Variants in PODN observed in about 807,000 individuals in gnomAD.
The protein encoded by PODN is podocan.
Under a neutral mutation model 52.7 loss-of-function variants are expected in PODN, and 40 were observed. That is an observed-to-expected ratio of 0.76 (90% CI 0.59 to 0.99). The LOEUF is 0.99. Among genes scored for constraint, PODN ranks in the 50% least tolerant of loss-of-function variants. The pLI, the probability that PODN is intolerant of heterozygous loss-of-function variation, is 0.00. For synonymous variants in PODN, 396 were observed against 377.9 expected (o/e 1.05, Z -0.56); for missense variants, 720 against 815.1 (o/e 0.88, Z 1.42).
At chr1:53,070,830 C>T (rs1210017162) in intron 2 of PODN, 1 of 153,526 alleles carries the variant, frequency 6.5e-6, no homozygotes, top group African/African-American at 2.4e-5. Flanking sequence ...CCAGGGCAGC[C>T]ACTGAGAGAA....
intron 1 of PODN, among the ~76,000 whole-genome samples, chr1:53,068,656 G>C (rs1263094027): frequency 6.6e-6 from 1 of 152,182 alleles, no homozygotes. Flanking sequence ...GCTCAGCAAG[G>C]TCAGAGGTGG....
At chr1:53,081,893 C>T in intron 9 of PODN, 88 bp from the exon 10 acceptor site, 1 of 1,509,068 alleles carries the variant, frequency 6.6e-7, no homozygotes, top group Non-Finnish European at 8.8e-7. Context: ...ATTCCCTCCC[C>T]TGTTACCTTC....
At chr1:53,074,556 C>T (rs1644166339) in intron 3 of PODN, 50 bp from the exon 4 acceptor site, 3 of 1,607,362 alleles carry the variant, frequency 1.9e-6, no homozygotes, top group South Asian at 2.2e-5. Flanking sequence ...CTGTGCTTCC[C>T]TGTGGCGTCT....
chr1:53,062,402 C>T, intron 1 of PODN, 94 bp downstream of exon 1: 1 of 975,956 alleles, frequency 1.0e-6, no homozygotes, highest in Non-Finnish European at 1.3e-6. Context: ...ATGGCTCCAG[C>T]AGCTGCCTGG....
rs1644239041 is a variant in PODN at position 53,078,784 on chromosome 1, C to T, written c.1274C>T (p.Ala425Val). 1 of 1,613,260 alleles carries T rather than the reference C, an allele frequency of 6.2e-7. No homozygotes were observed. Among genetic ancestry groups the T allele is most frequent in the Non-Finnish European group, 8.5e-7 (1 of 1,179,942 alleles). Reference protein sequence around the residue: ...RITSPQVHRDAFRKLRLLRSL... With the variant: ...RITSPQVHRDVFRKLRLLRSL... The stretch of plus-strand genomic sequence containing the variant: ...ACCAGCCCGCAGGTGCACCGCGACG[C>T]CTTCCGCAAGCTGCGCCTGCTGCGC... Residue 425 changes from alanine to valine, a missense_variant, in exon 8 of 11, where the codon GCC becomes GTC. Coordinates refer to ENST00000312553, the MANE Select transcript of PODN (RefSeq NM_153703.5).
At chr1:53,082,309 A>G in intron 10 of PODN, 121 bp downstream of exon 10, 2 of 1,332,158 alleles carry the variant, frequency 1.5e-6, no homozygotes, top group Non-Finnish European at 1.9e-6. Context: ...CCACCCATTT[A>G]GCAAATTTAT....
intron 1 of PODN, chr1:53,066,796 A>C (rs1352493377): frequency 1.9e-6 from 3 of 1,540,784 alleles, no homozygotes; most frequent in Non-Finnish European, 2.6e-6. Flanking sequence ...TAAATTCAAT[A>C]TTTTTATTGA....
chr1:53,079,872 A>C (rs1353809551), intron 8 of PODN, among the ~76,000 whole-genome samples: 1 of 152,036 alleles, frequency 6.6e-6, no homozygotes, highest in East Asian at 1.9e-4. Flanking sequence ...GTGCAGTGGC[A>C]TGCATCTCAC....
intron 9 of PODN, 127 bp from the exon 10 acceptor site, chr1:53,081,854 C>T (rs1055370772): frequency 2.0e-5 from 28 of 1,412,640 alleles, no homozygotes; most frequent in African/African-American, 1.7e-4. Flanking sequence ...TGGCCTTTCC[C>T]GCCTGCTGCA....
intron 1 of PODN, chr1:53,066,967 C>A (rs1267673062): frequency 3.2e-6 from 4 of 1,243,192 alleles, no homozygotes; most frequent in Admixed American, 2.3e-5. Context: ...TGTGCCCACA[C>A]TCTCGCTCTT....
Position 53,070,166 on chromosome 1 carries a change from A to T in PODN, c.311A>T (p.Gln104Leu). Reference protein sequence around the residue: ...LPEHTNHLSLQNNQLEKIYPE... With the variant: ...LPEHTNHLSLLNNQLEKIYPE... ...GAGCACACCAACCACCTATCTCTGCAGGTGAGGTCGGCGTTGCACCTGTGG... is the reference window on the plus strand; with the variant it reads ...GAGCACACCAACCACCTATCTCTGCTGGTGAGGTCGGCGTTGCACCTGTGG... The change falls in exon 2 of 11, where the codon CAG becomes CTG. Residue 104 changes from glutamine to leucine, a missense_variant and splice_region_variant. Gln to Leu is a moderately radical substitution (Grantham distance 113, BLOSUM62 -2). Transcript: ENST00000312553. The T allele has an allele frequency of 1.2e-6, 2 of 1,606,778 alleles. No individual in the cohort carries two copies. The highest frequency in any genetic ancestry group is 1.7e-6 in the Non-Finnish European group (2 of 1,179,894).
intron 2 of PODN, among the ~76,000 whole-genome samples, chr1:53,070,399 C>G (rs1644100768): frequency 6.6e-6 from 1 of 152,212 alleles, no homozygotes; most frequent in African/African-American, 2.4e-5. Context: ...ACAATAAAAC[C>G]CACTTTGCTC....
chr1:53,066,756 A>G lies in PODN; in HGVS notation c.-55-3045A>G, dbSNP rs1473346116. On this transcript the variant is annotated intron_variant, in intron 1 of 10. Transcript: ENST00000312553. ...CCTGAGTTGTAAAGTGGTGATGATA[A>G]CATTTTCAGTACGGTGCAGAATGTT... 1.8e-5 allele frequency: 27 copies of G among 1,478,712 alleles called. No homozygotes were observed. The East Asian group carries it at 6.4e-4, about 35-fold the overall frequency. 91.6% of individuals were successfully genotyped at this position (1,478,712 alleles called of 1,614,324 possible).
Position 53,077,280 on chromosome 1 carries a change from G to A in PODN, c.672G>A (p.Leu224=). ...CCAGCAACGTCGAGGTCCTCATCCT[G>A]TCCAGCAACTTCCTGCGCCACGTGC... ...NGSSNVEVLI[L]SSNFLRHVPK... is the part of the protein sequence containing the mutation. The change falls in exon 6 of 11, where the codon CTG becomes CTA. Residue 224 remains leucine (L), a synonymous_variant. Coordinates refer to ENST00000312553, the MANE Select transcript of PODN (RefSeq NM_153703.5). The A allele has an allele frequency of 6.2e-7, 1 of 1,613,442 alleles. No individual in the cohort carries two copies. The highest frequency in any genetic ancestry group is 1.3e-5 in the African/African-American group (1 of 75,070).
chr1:53,075,414 C>T (rs1409411753), intron 4 of PODN, among the ~76,000 whole-genome samples: 2 of 152,224 alleles, frequency 1.3e-5, no homozygotes, highest in Admixed American at 6.5e-5. Context: ...TGAGCTTCCT[C>T]ACCATGTCCA....
At chr1:53,063,590 C>A in intron 1 of PODN, 1 of 985,464 alleles carries the variant, frequency 1.0e-6, no homozygotes, top group Non-Finnish European at 1.2e-6. Context: ...CGTGGACTGC[C>A]CTGGGAAAGA....
intron 10 of PODN, among the ~76,000 whole-genome samples, chr1:53,083,889 A>G (rs1319486414): frequency 6.6e-6 from 1 of 152,152 alleles, no homozygotes; most frequent in Non-Finnish European, 1.5e-5. Context: ...TCACAGGGCC[A>G]GGACGTAGCC....
In PODN at chr1:53,079,232, C is replaced by A. The variant is rs538522568; in HGVS notation, c.1512+210C>A. 2.0e-4 allele frequency among the ~76,000 whole-genome samples: 30 copies of A among 152,238 alleles called. 1 individual carries two copies. The highest frequency in any genetic ancestry group is 1.8e-3 in the Admixed American group (27 of 15,288). On this transcript the variant is annotated intron_variant, in intron 8 of 10. Transcript: ENST00000312553. ...GCCTTAGGGGAGGCAGGAGGTGGGT[C>A]AGGCAGAGGGTGTGGCTGGCATGCC...
intron 1 of PODN, among the ~76,000 whole-genome samples, chr1:53,064,437 A>G (rs1307395107): frequency 3.9e-5 from 6 of 152,378 alleles, no homozygotes; most frequent in African/African-American, 1.4e-4. Context: ...AAAGACGAAC[A>G]TGTAGTCCCA....
Sources: allele counts gnomAD v4.1 joint callset (sites outside exome capture counted in the v4.1 genomes callset), GRCh38; gene constraint gnomAD v4.1.1; transcripts MANE v1.5; gene names NCBI Gene and HGNC (gene_info 2026-07-23, HGNC 2026-07-21).